The following NRG1 variants were observed in gnomAD, a reference collection of about 807,000 sequenced individuals.
The protein encoded by NRG1 is neuregulin 1.
NRG1 carries 18 observed loss-of-function variants against 63.8 expected under a neutral mutation model. That is an observed-to-expected ratio of 0.28 (90% CI 0.19 to 0.42). The LOEUF is 0.42. NRG1 is among the 10% of genes least tolerant of loss of function. NRG1 has a pLI of 1.00. For synonymous variants in NRG1, 302 were observed against 301.3 expected (o/e 1.00, Z -0.02); for missense variants, 762 against 814.7 (o/e 0.94, Z 0.79).
intron 1 of NRG1, among the ~76,000 whole-genome samples, chr8:31,958,571 T>C (rs532141393): frequency 6.6e-6 from 1 of 152,290 alleles, no homozygotes; most frequent in East Asian, 1.9e-4. Context: ...GTAGTGAATA[T>C]GCTATTGCTC....
At chr8:31,900,765 T>C (rs1227311732) in intron 1 of NRG1, among the ~76,000 whole-genome samples, 1 of 152,164 alleles carries the variant, frequency 6.6e-6, no homozygotes, top group Non-Finnish European at 1.5e-5. Context: ...CCTACCAAGC[T>C]GTGTATTTTT....
intron 7 of NRG1, among the ~76,000 whole-genome samples, chr8:32,745,806 C>T: frequency 6.6e-6 from 1 of 152,016 alleles, no homozygotes; most frequent in African/African-American, 2.4e-5. Context: ...CAGTACAGAG[C>T]AGGTATGTCA....
intron 1 of NRG1, among the ~76,000 whole-genome samples, chr8:32,478,506 A>C (rs2129492447): frequency 6.6e-6 from 1 of 152,336 alleles, no homozygotes; most frequent in East Asian, 1.9e-4. Context: ...ACTGTTAATA[A>C]AAAGCAAACA....
chr8:32,584,569 T>C (rs1055401268), intron 1 of NRG1, among the ~76,000 whole-genome samples: 1 of 152,220 alleles, frequency 6.6e-6, no homozygotes, highest in African/African-American at 2.4e-5. Flanking sequence ...ACTAAGGTTT[T>C]AGTATCATTC....
chr8:32,646,566 C>G (rs950965834), intron 5 of NRG1, among the ~76,000 whole-genome samples: 2 of 152,108 alleles, frequency 1.3e-5, no homozygotes, highest in Non-Finnish European at 2.9e-5. Flanking sequence ...CCATCCCCAT[C>G]CCAGCTTTGT....
intron 1 of NRG1, among the ~76,000 whole-genome samples, chr8:32,268,679 C>G (rs1356657801): frequency 8.5e-5 from 13 of 152,122 alleles, no homozygotes; most frequent in Admixed American, 8.5e-4. Flanking sequence ...AACATTGTCT[C>G]TATGAGGCAG....
At chr8:32,211,723 C>T (rs1235915110) in intron 1 of NRG1, among the ~76,000 whole-genome samples, 2 of 152,120 alleles carry the variant, frequency 1.3e-5, no homozygotes, top group Non-Finnish European at 2.9e-5. Flanking sequence ...TTCCTCTACT[C>T]TATTACTGCC....
At chr8:32,669,478 G>A (rs190309917) in intron 5 of NRG1, among the ~76,000 whole-genome samples, 1 of 152,290 alleles carries the variant, frequency 6.6e-6, no homozygotes, top group African/African-American at 2.4e-5. Context: ...AGTGCCGAAA[G>A]CTACATGTAC....
intron 1 of NRG1, among the ~76,000 whole-genome samples, chr8:32,237,879 T>C (rs1229533639): frequency 6.6e-6 from 1 of 152,172 alleles, no homozygotes; most frequent in African/African-American, 2.4e-5. Flanking sequence ...GAGTTTTTCC[T>C]CCTGCATTTT....
intron 1 of NRG1, among the ~76,000 whole-genome samples, chr8:32,574,309 C>T (rs554634942): frequency 6.6e-6 from 1 of 151,828 alleles, no homozygotes; most frequent in Admixed American, 6.6e-5. Context: ...GGCCTCATTT[C>T]CCTCTCTCAT....
intron 1 of NRG1, among the ~76,000 whole-genome samples, chr8:32,213,632 A>T (rs1290817272): frequency 6.6e-6 from 1 of 152,194 alleles, no homozygotes; most frequent in African/African-American, 2.4e-5. Context: ...AAAATTTAAA[A>T]AAAAAGAAAA....
chr8:32,743,997 C>T (rs1164823416), intron 7 of NRG1, among the ~76,000 whole-genome samples: 1 of 151,998 alleles, frequency 6.6e-6, no homozygotes, highest in African/African-American at 2.4e-5. Context: ...CAAAAGCAGA[C>T]AGTGGGCTGG....
chr8:32,359,640 T>C (rs905825717), intron 1 of NRG1, among the ~76,000 whole-genome samples: 1 of 152,222 alleles, frequency 6.6e-6, no homozygotes, highest in Non-Finnish European at 1.5e-5. Context: ...GCAGTCTTTT[T>C]TTCACTCTGA....
intron 1 of NRG1, among the ~76,000 whole-genome samples, chr8:31,812,073 A>G (rs546508860): frequency 1.3e-5 from 2 of 152,320 alleles, no homozygotes; most frequent in African/African-American, 2.4e-5. Context: ...TATAATAGCT[A>G]TGAAATTTCA....
chr8:31,941,386 A>T (rs780815833), intron 1 of NRG1, among the ~76,000 whole-genome samples: 9 of 152,120 alleles, frequency 5.9e-5, no homozygotes, highest in Non-Finnish European at 1.2e-4. Context: ...TCTGCATAGA[A>T]GGGTCATACC....
At chr8:31,827,063 G>A (rs1014917299) in intron 1 of NRG1, among the ~76,000 whole-genome samples, 3 of 152,090 alleles carry the variant, frequency 2.0e-5, no homozygotes, top group Non-Finnish European at 4.4e-5. Flanking sequence ...TGGCTTGTGG[G>A]TTTGCTGGCT....
chr8:32,306,765 C>T (rs893457252), intron 1 of NRG1, among the ~76,000 whole-genome samples: 3 of 152,168 alleles, frequency 2.0e-5, no homozygotes, highest in Admixed American at 6.5e-5. Context: ...GTTCATTTTC[C>T]GATGAAGTTT....
chr8:32,281,841 T>C (rs1243797075), intron 1 of NRG1, among the ~76,000 whole-genome samples: 1 of 152,112 alleles, frequency 6.6e-6, no homozygotes, highest in Non-Finnish European at 1.5e-5. Context: ...TTTCAGATGA[T>C]AAATTTTATG....
At chr8:31,735,404 T>TC (rs1386853883) in intron 1 of NRG1, among the ~76,000 whole-genome samples, 1 of 152,182 alleles carries the variant, frequency 6.6e-6, no homozygotes, top group African/African-American at 2.4e-5. Context: ...AACCCCACTG[T>TC]CTTCCCTTGA....
Sources: allele counts gnomAD v4.1 joint callset (sites outside exome capture counted in the v4.1 genomes callset), GRCh38; gene constraint gnomAD v4.1.1; transcripts MANE v1.5; gene names NCBI Gene and HGNC (gene_info 2026-07-23, HGNC 2026-07-21).